The following NT5DC3 variants were observed in gnomAD, a reference collection of about 807,000 sequenced individuals.
The protein encoded by NT5DC3 is 5'-nucleotidase domain containing 3.
In NT5DC3, 42 loss-of-function variants were observed where a neutral mutation model predicts 67.8. The ratio of observed to expected loss-of-function variants is 0.62; its 90% CI spans 0.48 to 0.80. The LOEUF is 0.80. Ranked by LOEUF, NT5DC3 falls within the 30% of genes least tolerant of loss-of-function variation. The probability of loss-of-function intolerance (pLI) is 0.00; values close to 1 mark genes in which losing one functional copy is unlikely to be tolerated. For synonymous variants in NT5DC3, 237 were observed against 255.6 expected (o/e 0.93, Z 0.69); for missense variants, 570 against 696.4 (o/e 0.82, Z 2.04).
intron 5 of NT5DC3, among the ~76,000 whole-genome samples, chr12:103,798,376 G>C (rs1335694405): frequency 6.6e-6 from 1 of 152,168 alleles, no homozygotes; most frequent in Non-Finnish European, 1.5e-5. Flanking sequence ...GTATGTGGGA[G>C]GTGAAAAGAG....
intron 1 of NT5DC3, among the ~76,000 whole-genome samples, chr12:103,829,858 G>T (rs1887849257): frequency 1.3e-5 from 2 of 149,216 alleles, no homozygotes; most frequent in Non-Finnish European, 1.5e-5. Context: ...TGAGTTCCTT[G>T]ATGGTAAAGC....
intron 4 of NT5DC3, 123 bp downstream of exon 4, chr12:103,806,199 T>C: frequency 1.4e-6 from 1 of 690,032 alleles, no homozygotes; most frequent in Non-Finnish European, 2.6e-6. Flanking sequence ...CTTGAGTAAG[T>C]GAGTGAATGA....
At position 103,801,372 on chromosome 12, in the gene NT5DC3, C is replaced by CTT. The variant is rs869237844; in HGVS notation, c.525-2697_525-2696dup. On this transcript the variant is annotated intron_variant, in intron 4 of 13. Coordinates refer to ENST00000392876, the MANE Select transcript of NT5DC3 (RefSeq NM_001031701.3). ...TCCTAATGACTTGCTTTGGGGTGGG[C>CTT]TTTTTTTTTTTTTTTTTTTTTTTTT... Among the ~76,000 whole-genome samples, 78 of 78,940 alleles carry CTT rather than the reference C, an allele frequency of 9.9e-4. 2 individuals are homozygous for CTT. Among genetic ancestry groups the CTT allele is most frequent in the African/African-American group, 1.4e-3 (25 of 18,414 alleles). The allele number at this position is 78,940 out of a possible 152,430, so 51.8% of individuals were successfully genotyped here.
At chr12:103,810,774 G>A (rs1392987140) in intron 2 of NT5DC3, among the ~76,000 whole-genome samples, 1 of 152,168 alleles carries the variant, frequency 6.6e-6, no homozygotes, top group Non-Finnish European at 1.5e-5. Context: ...CTCCATGTGT[G>A]CCTATTTCCT....
the NT5DC3 span, chr12:103,750,633 G>A: frequency 1.2e-6 from 2 of 1,614,218 alleles, no homozygotes; most frequent in Non-Finnish European, 1.7e-6. Context: ...GCTGAACTGT[G>A]AGCCGGAGCA....
At chr12:103,808,448 C>T (rs1321545075) in intron 2 of NT5DC3, among the ~76,000 whole-genome samples, 1 of 152,202 alleles carries the variant, frequency 6.6e-6, no homozygotes, top group East Asian at 1.9e-4. Context: ...AGGAAACCTC[C>T]TTCCATGGCT....
intron 13 of NT5DC3, among the ~76,000 whole-genome samples, chr12:103,778,360 G>A (rs1045825539): frequency 6.6e-6 from 1 of 151,920 alleles, no homozygotes; most frequent in Non-Finnish European, 1.5e-5. Context: ...GTGAAACCCC[G>A]TCTCTATTAA....
intron 13 of NT5DC3, 77 bp from the exon 14 acceptor site, chr12:103,778,158 C>T: frequency 7.3e-7 from 1 of 1,369,354 alleles, no homozygotes; most frequent in Non-Finnish European, 9.8e-7. Context: ...AAATCAAAAT[C>T]ACTTCTTTTT....
intron 2 of NT5DC3, among the ~76,000 whole-genome samples, chr12:103,810,685 C>A (rs1452697642): frequency 6.6e-6 from 1 of 152,140 alleles, no homozygotes; most frequent in African/African-American, 2.4e-5. Context: ...AGCAAAGTGT[C>A]CCCCTGAAAA....
chr12:103,768,634 TGAGA>T (rs58287606), downstream of NT5DC3, among the ~76,000 whole-genome samples: 3 of 24,908 alleles, frequency 1.2e-4, no homozygotes, highest in Admixed American at 4.6e-4. Flanking sequence ...GGAGAGGGAG[TGAGA>T]GAGAGAGAGA....
intron 2 of NT5DC3, among the ~76,000 whole-genome samples, chr12:103,809,717 C>A (rs1199637796): frequency 6.6e-6 from 1 of 152,164 alleles, no homozygotes; most frequent in Non-Finnish European, 1.5e-5. Flanking sequence ...TTGCCTCCCA[C>A]CAGGTCCCTC....
the NT5DC3 span, chr12:103,755,253 C>T: frequency 2.5e-6 from 4 of 1,597,942 alleles, no homozygotes; most frequent in Non-Finnish European, 3.4e-6. Flanking sequence ...AGTGATGCCA[C>T]AACACATGAA....
At chr12:103,804,560 T>C (rs76263144) in intron 4 of NT5DC3, among the ~76,000 whole-genome samples, 1 of 151,928 alleles carries the variant, frequency 6.6e-6, no homozygotes, top group African/African-American at 2.4e-5. Context: ...ATTTTTTTTT[T>C]AAAAAGTGAC....
chr12:103,840,549 C>T (rs1302786027), intron 1 of NT5DC3, among the ~76,000 whole-genome samples: 1 of 151,500 alleles, frequency 6.6e-6, no homozygotes, highest in African/African-American at 2.4e-5. Context: ...TGCGCCAGCC[C>T]GACTCGGCTG....
At chr12:103,784,210 C>T (rs557733174) in intron 12 of NT5DC3, among the ~76,000 whole-genome samples, 3 of 152,330 alleles carry the variant, frequency 2.0e-5, no homozygotes, top group Non-Finnish European at 4.4e-5. Flanking sequence ...ACTACACTAA[C>T]TCAGAATTGA....
the NT5DC3 span, chr12:103,763,452 T>C: frequency 6.3e-7 from 1 of 1,595,436 alleles, no homozygotes; most frequent in Non-Finnish European, 8.6e-7. Flanking sequence ...GCTCCTGCTT[T>C]GGGGATGCTC....
rs1476984033 is a variant in NT5DC3, at chr12:103,774,790, A to C, written c.*3039T>G. ...TTTGGAAGGCTGAGGTGGGCAGAAC[A>C]CTTGAGGCTAGGAGTTTGAGACCAG... On this transcript the variant is annotated 3_prime_UTR_variant, in exon 14 of 14. Coordinates refer to ENST00000392876, the MANE Select transcript of NT5DC3 (RefSeq NM_001031701.3). 2 of 151,484 alleles carry C rather than the reference A, an allele frequency of 1.3e-5. No individual in the cohort carries two copies. Among genetic ancestry groups the C allele is most frequent in the Non-Finnish European group, 2.9e-5 (2 of 67,986 alleles). The allele number at this position is 151,484 out of a possible 1,614,324, so 9.4% of individuals were successfully genotyped here. A position where few individuals can be genotyped will look rare whatever the true frequency, so the allele number is the denominator to read the frequency against.
intron 11 of NT5DC3, among the ~76,000 whole-genome samples, chr12:103,786,744 A>G (rs1389994296): frequency 6.8e-6 from 1 of 146,068 alleles, no homozygotes; most frequent in Non-Finnish European, 1.5e-5. Flanking sequence ...GTGCAATGGC[A>G]TGATCTCAGC....
chr12:103,824,370 C>T (rs115472964), intron 1 of NT5DC3, among the ~76,000 whole-genome samples: 2,037 of 152,264 alleles, frequency 0.013, 47 homozygotes, highest in African/African-American at 0.047. Context: ...AAACAAAATG[C>T]CCAAGGTATC....
Sources: gnomAD v4.1 joint callset for allele counts (sites outside exome capture counted in the v4.1 genomes callset) on GRCh38, gnomAD v4.1.1 for gene constraint, MANE v1.5 for transcripts, NCBI Gene and HGNC (gene_info 2026-07-23, HGNC 2026-07-21) for gene names.